The following MED16 variants were observed in gnomAD, a reference collection of about 807,000 sequenced individuals.
The protein encoded by MED16 is mediator of RNA polymerase II transcription subunit 16.
MED16 carries 81 observed loss-of-function variants against 84.4 expected under a neutral mutation model. That is an observed-to-expected ratio of 0.96 (90% CI 0.80 to 1.15). The LOEUF (loss-of-function observed/expected upper bound fraction) is 1.15, where lower values mean the gene tolerates loss of function less well. MED16 is among the 50% of genes most tolerant of loss of function. The pLI is 0.00. For missense variants in MED16, 1,585 were observed against 1,245.9 expected (o/e 1.27, Z -4.10); for synonymous variants, 897 against 552.2 (o/e 1.62, Z -8.76).
rs114345288 is a variant in MED16, at chr19:883,025, C to A, written c.986-1311G>T. Among the ~76,000 whole-genome samples the A allele has an allele frequency of 8.2e-3, 1,252 of 152,298 alleles. 17 individuals are homozygous for A. Among genetic ancestry groups the A allele is most frequent in the African/African-American group, 0.028 (1,153 of 41,552 alleles). ...AAAGACAGGAAACTCAACGCCCCAG[C>A]GCCGGGGGAGGCAGCTGCCATGACG... On this transcript the variant is annotated intron_variant, in intron 6 of 15. Coordinates refer to ENST00000325464, the MANE Select transcript of MED16 (RefSeq NM_005481.3).
In MED16 at chr19:877,155, G is replaced by A. The variant is rs139047798; in HGVS notation, c.1379C>T (p.Ser460Phe). The change falls in exon 9 of 16, where the codon TCC becomes TTC. Residue 460 changes from serine (S) to phenylalanine (F), a missense_variant. Ser to Phe is a radical substitution (Grantham distance 155, BLOSUM62 -2). Transcript: ENST00000325464. ...CCCCACCTCCAGCGGGTGGCCCATG[G>A]AAGGTGAGAGGCGGAGCACGCTCAG... ...GKLSVLRLSP[S>F]MGHPLEVGLA... 20 of 1,611,316 alleles carry A rather than the reference G, an allele frequency of 1.2e-5. No individual in the cohort carries two copies. The highest frequency in any genetic ancestry group is 1.7e-5 in the Non-Finnish European group (20 of 1,179,536).
At chr19:886,984 CAGG>C (rs1368879856) in intron 4 of MED16, among the ~76,000 whole-genome samples, 1 of 151,552 alleles carries the variant, frequency 6.6e-6, no homozygotes, top group African/African-American at 2.4e-5. Flanking sequence ...GAGGCTGAGG[CAGG>C]AGAATTGCTG....
At chr19:875,740 G>A (rs950895317) in intron 9 of MED16, among the ~76,000 whole-genome samples, 1 of 152,170 alleles carries the variant, frequency 6.6e-6, no homozygotes, top group Non-Finnish European at 1.5e-5. Context: ...CCCCTGCCAA[G>A]TAACGGGTGG....
chr19:888,333 C>A (rs546957119), intron 4 of MED16, among the ~76,000 whole-genome samples: 1 of 151,886 alleles, frequency 6.6e-6, no homozygotes, highest in East Asian at 1.9e-4. Context: ...ACCAGCCTGG[C>A]CAACATGGTG....
intron 8 of MED16, among the ~76,000 whole-genome samples, chr19:877,591 G>A (rs912766589): frequency 6.6e-6 from 1 of 152,102 alleles, no homozygotes; most frequent in Admixed American, 6.5e-5. Context: ...GCTGGCGAGG[G>A]GCTTGCACCT....
At position 873,560 on chromosome 19, in the gene MED16, G is replaced by A. The variant is rs146141347; in HGVS notation, c.1794C>T (p.Asn598=). Residue 598 remains asparagine, a synonymous_variant, in exon 11 of 16, where the codon AAC becomes AAT. Transcript: ENST00000325464. ...TDVDIDKVMI[N]LKTEEFVLDM... The stretch of plus-strand genomic sequence containing the variant: ...CCAGCACAAATTCCTCCGTCTTGAG[G>A]TTGATCATGACCTTGTCAATGTCTA... 116 of 1,612,436 alleles carry A rather than the reference G, an allele frequency of 7.2e-5. No homozygotes were observed. Among genetic ancestry groups the A allele is most frequent in the Middle Eastern group, 6.6e-4 (4 of 6,054 alleles).
intron 4 of MED16, among the ~76,000 whole-genome samples, chr19:887,203 T>C (rs980487652): frequency 2.0e-5 from 3 of 152,146 alleles, no homozygotes; most frequent in African/African-American, 7.2e-5. Context: ...AAACACTTCT[T>C]ATAGCAAGAA....
At chr19:874,033 T>C (rs1425133157) in intron 10 of MED16, among the ~76,000 whole-genome samples, 1 of 152,184 alleles carries the variant, frequency 6.6e-6, no homozygotes, top group Middle Eastern at 3.4e-3. Context: ...CCCACAGAAC[T>C]AACCATGACT....
At chr19:886,655 A>G (rs1021925754) in intron 4 of MED16, among the ~76,000 whole-genome samples, 5 of 152,254 alleles carry the variant, frequency 3.3e-5, no homozygotes, top group Non-Finnish European at 5.9e-5. Context: ...CCTGAGCTAT[A>G]GCACTCAGGA....
intron 15 of MED16, 34 bp from the exon 16 acceptor site, chr19:868,285 A>G: frequency 6.3e-7 from 1 of 1,589,534 alleles, no homozygotes; most frequent in South Asian, 1.1e-5. Flanking sequence ...CGCGCCGAGG[A>G]GAGTCCAGGG....
chr19:882,124 C>G (rs2036432892), intron 6 of MED16, among the ~76,000 whole-genome samples: 1 of 152,260 alleles, frequency 6.6e-6, no homozygotes, highest in Non-Finnish European at 1.5e-5. Flanking sequence ...ATGGTCGCAC[C>G]CACAGATCCG....
intron 13 of MED16, 45 bp from the exon 14 acceptor site, chr19:868,991 G>A (rs1407126992): frequency 1.5e-5 from 23 of 1,491,688 alleles, no homozygotes; most frequent in East Asian, 7.5e-5. Flanking sequence ...GGCACCACGA[G>A]GCCAGGTTCC....
At chr19:890,917 G>C in intron 2 of MED16, 46 bp downstream of exon 2, 1 of 1,595,624 alleles carries the variant, frequency 6.3e-7, no homozygotes, top group Non-Finnish European at 8.5e-7. Context: ...GAACAGGGCG[G>C]GACACCATGC....
chr19:869,496 A>C (rs1683590), intron 13 of MED16, among the ~76,000 whole-genome samples: 1 of 151,914 alleles, frequency 6.6e-6, no homozygotes, highest in Non-Finnish European at 1.5e-5. Context: ...CCCAGTTTAC[A>C]AGCCTCTGAC....
intron 7 of MED16, among the ~76,000 whole-genome samples, chr19:880,521 G>A (rs1440305503): frequency 1.3e-5 from 2 of 152,188 alleles, no homozygotes; most frequent in Admixed American, 6.5e-5. Flanking sequence ...GTGGGCTGGG[G>A]CTGTCACTCA....
intron 10 of MED16, 21 bp from the exon 11 acceptor site, chr19:873,603 G>C: frequency 1.2e-6 from 2 of 1,611,204 alleles, no homozygotes; most frequent in Non-Finnish European, 1.7e-6. Context: ...ACGTGGGTCG[G>C]GTCAGCTCGG....
At chr19:891,483 G>C (rs2030226592) in intron 1 of MED16, among the ~76,000 whole-genome samples, 1 of 152,174 alleles carries the variant, frequency 6.6e-6, no homozygotes. Context: ...GGTCTGCGCT[G>C]GCCCAGGTGA....
rs146234209 is a variant in MED16 at position 868,173 on chromosome 19, G to T, written c.2562C>A (p.Gly854=). Residue 854 remains glycine, a synonymous_variant, in exon 16 of 16, where the codon GGC becomes GGA. Coordinates refer to ENST00000325464, the MANE Select transcript of MED16 (RefSeq NM_005481.3). ...SEEAPAFVQL[G]PQSTHHSPRT... is the part of the protein sequence containing the mutation. ...TGGGAGAGTGGTGTGTGGACTGCGG[G>T]CCCAGCTGGACAAAGGCAGGGGCTT... The T allele has an allele frequency of 4.3e-6, 7 of 1,610,594 alleles. No individual in the cohort carries two copies. In the East Asian group the frequency reaches 1.6e-4, roughly 36 times the overall value.
At chr19:872,257 G>T in intron 11 of MED16, 139 bp from the exon 12 acceptor site, 1 of 664,858 alleles carries the variant, frequency 1.5e-6, no homozygotes, top group East Asian at 2.9e-5. Flanking sequence ...GGACTGGGGT[G>T]CTTCTGGCAC....
Sources: gnomAD v4.1 joint callset for allele counts (sites outside exome capture counted in the v4.1 genomes callset) on GRCh38, gnomAD v4.1.1 for gene constraint, MANE v1.5 for transcripts, NCBI Gene and HGNC (gene_info 2026-07-23, HGNC 2026-07-21) for gene names.